Variants in UBL3 observed in about 807,000 individuals in gnomAD.
The protein encoded by UBL3 is ubiquitin like 3, also known as ubiquitin-like protein 3.
Under a neutral mutation model 18.4 loss-of-function variants are expected in UBL3, and 6 were observed. The observed-to-expected ratio is 0.33, with a 90% confidence interval of 0.18 to 0.64. UBL3 has a LOEUF of 0.64. Among genes scored for constraint, UBL3 ranks in the 30% least tolerant of loss-of-function variants. UBL3 has a pLI of 0.76. For missense variants in UBL3, 109 were observed against 142.9 expected (o/e 0.76, Z 1.21); for synonymous variants, 49 against 46.6 (o/e 1.05, Z -0.21).
intron 1 of UBL3, among the ~76,000 whole-genome samples, chr13:29,784,566 G>GAAA (rs199532113): frequency 1.5e-5 from 2 of 129,248 alleles, no homozygotes; most frequent in Admixed American, 7.7e-5. Flanking sequence ...CAAATCTTTG[G>GAAA]AAAAAAAAAA....
intron 1 of UBL3, among the ~76,000 whole-genome samples, chr13:29,815,483 A>T (rs1326765698): frequency 2.0e-5 from 3 of 152,192 alleles, no homozygotes; most frequent in Non-Finnish European, 4.4e-5. Context: ...TCCTGAACAA[A>T]TAAATTTGTG....
chr13:29,768,183 T>C (rs1476122027), intron 3 of UBL3, among the ~76,000 whole-genome samples: 1 of 152,112 alleles, frequency 6.6e-6, no homozygotes, highest in Non-Finnish European at 1.5e-5. Context: ...TATTCGTCCA[T>C]TAGAAAAGAA....
chr13:29,813,571 A>G (rs979571752), intron 1 of UBL3, among the ~76,000 whole-genome samples: 1 of 152,116 alleles, frequency 6.6e-6, no homozygotes, highest in Non-Finnish European at 1.5e-5. Flanking sequence ...CAACAATTAA[A>G]AATAATGCAA....
chr13:29,822,759 C>T (rs1878495238), intron 1 of UBL3, among the ~76,000 whole-genome samples: 1 of 133,168 alleles, frequency 7.5e-6, no homozygotes, highest in Non-Finnish European at 1.6e-5. Context: ...AAAAAGAAGC[C>T]TGTACTATCC....
At chr13:29,841,135 G>A (rs1879090499) in intron 1 of UBL3, among the ~76,000 whole-genome samples, 1 of 151,986 alleles carries the variant, frequency 6.6e-6, no homozygotes, top group African/African-American at 2.4e-5. Flanking sequence ...AAATGTTAAT[G>A]TCAAACTTCA....
intron 1 of UBL3, among the ~76,000 whole-genome samples, chr13:29,824,107 C>T (rs991950819): frequency 2.6e-5 from 4 of 152,084 alleles, no homozygotes; most frequent in Non-Finnish European, 5.9e-5. Flanking sequence ...CAGACTATCA[C>T]TGATGGACAT....
At chr13:29,784,077 A>G (rs966645556) in intron 1 of UBL3, among the ~76,000 whole-genome samples, 2 of 152,188 alleles carry the variant, frequency 1.3e-5, no homozygotes, top group Non-Finnish European at 2.9e-5. Flanking sequence ...TACAACAAGA[A>G]CTCTTCAATG....
chr13:29,777,104 T>C (rs1474564205), intron 2 of UBL3, 51 bp downstream of exon 2: 15 of 1,250,818 alleles, frequency 1.2e-5, no homozygotes, highest in East Asian at 2.7e-5. Flanking sequence ...TGAGACAAGG[T>C]AGGGCATAAG....
At chr13:29,832,714 G>A (rs1206680086) in intron 1 of UBL3, among the ~76,000 whole-genome samples, 2 of 152,130 alleles carry the variant, frequency 1.3e-5, no homozygotes, top group African/African-American at 4.8e-5. Flanking sequence ...TTACATTGCT[G>A]GCAATCCGTG....
At position 29,818,938 on chromosome 13, in the gene UBL3, TTGC is replaced by T. The variant is rs151051879; in HGVS notation, c.27+30571_27+30573del. Among the ~76,000 whole-genome samples, 1,498 of 152,328 alleles carry T rather than the reference TTGC, an allele frequency of 9.8e-3. 24 individuals carry two copies. Among genetic ancestry groups the T allele is most frequent in the African/African-American group, 0.035 (1,435 of 41,576 alleles). On this transcript the variant is annotated intron_variant, in intron 1 of 4. Transcript: ENST00000380680. ...CTGTGTGTTTGATAATATTAGGTAA[TTGC>T]TGCTAATTTTTAAGGTGTGATAAGA...
At chr13:29,783,119 A>G (rs1219794375) in intron 1 of UBL3, among the ~76,000 whole-genome samples, 1 of 152,208 alleles carries the variant, frequency 6.6e-6, no homozygotes, top group East Asian at 1.9e-4. Context: ...GGAATGGATA[A>G]TAATTGTTTC....
intron 1 of UBL3, among the ~76,000 whole-genome samples, chr13:29,835,134 ATATATATATATATATATAT>A (rs1878912833): frequency 1.3e-4 from 1 of 7,422 alleles, no homozygotes; most frequent in African/African-American, 6.3e-4. Context: ...AAATATATAT[ATATATATATATATATATAT>A]ATATATATAT....
In UBL3 at chr13:29,849,496, C is replaced by T. The variant is rs1194351413; in HGVS notation, c.27+16G>A. Reference sequence around the variant, plus strand: ...AACCACAATTAAATCAGTGTCATAACTTATCCGTCACTTACCATATCCGCC... The same window carrying T: ...AACCACAATTAAATCAGTGTCATAATTTATCCGTCACTTACCATATCCGCC... On this transcript the variant is annotated intron_variant, in intron 1 of 4. Coordinates refer to ENST00000380680, the MANE Select transcript of UBL3 (RefSeq NM_007106.4). The T allele has an allele frequency of 1.2e-6, 2 of 1,614,100 alleles. No homozygotes were observed. Among genetic ancestry groups the T allele is most frequent in the South Asian group, 2.2e-5 (2 of 91,068 alleles).
intron 1 of UBL3, among the ~76,000 whole-genome samples, chr13:29,796,064 G>A (rs1593659237): frequency 6.6e-6 from 1 of 151,862 alleles, no homozygotes; most frequent in East Asian, 1.9e-4. Context: ...AAACTTGAAA[G>A]ATCTACCGCA....
In UBL3 at chr13:29,797,761, T is replaced by C. The variant is rs1233333673; in HGVS notation, c.28-20498A>G. On this transcript the variant is annotated intron_variant, in intron 1 of 4. Transcript: ENST00000380680. Reference sequence around the variant, plus strand: ...AAGATTCAATTAAGGAAAATGGCTGTCCCTGGTTTGTCCTTTTCCTAACAT... The same window carrying C: ...AAGATTCAATTAAGGAAAATGGCTGCCCCTGGTTTGTCCTTTTCCTAACAT... Among the ~76,000 whole-genome samples the C allele has an allele frequency of 2.6e-5, 4 of 152,306 alleles. No individual in the cohort carries two copies. In the East Asian group the frequency reaches 7.7e-4, roughly 29 times the overall value.
rs2139303256 is a variant in UBL3 at position 29,766,688 on chromosome 13, T to G, written c.*567A>C. On this transcript the variant is annotated 3_prime_UTR_variant, in exon 5 of 5. Transcript: ENST00000380680. ...TAGTCACACTCAGTTTAGTATTCTG[T>G]GCCAGTGCAGCCACCACGGCTGACT... is the stretch of plus-strand genomic sequence containing the variant. The G allele has an allele frequency of 3.3e-5, 5 of 152,644 alleles. No homozygotes were observed. In the East Asian group the frequency reaches 7.7e-4, roughly 23 times the overall value. 9.5% of individuals were successfully genotyped at this position (152,644 alleles called of 1,614,324 possible).
At chr13:29,781,080 C>T (rs1877162530) in intron 1 of UBL3, among the ~76,000 whole-genome samples, 1 of 152,044 alleles carries the variant, frequency 6.6e-6, no homozygotes, top group East Asian at 1.9e-4. Flanking sequence ...GAGGCTGAGG[C>T]AGGAGAATCA....
chr13:29,842,423 TG>T lies in UBL3; in HGVS notation c.27+7088del, dbSNP rs1159616418. Among the ~76,000 whole-genome samples, 5 of 152,194 alleles carry T rather than the reference TG, an allele frequency of 3.3e-5. No homozygotes were observed. In the East Asian group the frequency reaches 7.7e-4, roughly 24 times the overall value. ...ATCCACCCACCTCGGCCTCCCAAAA[TG>T]TTGGGATTACAGGTGTGAGCCACCG... On this transcript the variant is annotated intron_variant, in intron 1 of 4. Coordinates refer to ENST00000380680, the MANE Select transcript of UBL3 (RefSeq NM_007106.4).
intron 1 of UBL3, among the ~76,000 whole-genome samples, chr13:29,818,639 G>A (rs1258556017): frequency 1.3e-5 from 2 of 152,026 alleles, no homozygotes; most frequent in East Asian, 1.9e-4. Context: ...CACATAATAC[G>A]CCTATCACAA....
Sources: allele counts gnomAD v4.1 joint callset (sites outside exome capture counted in the v4.1 genomes callset), GRCh38; gene constraint gnomAD v4.1.1; transcripts MANE v1.5; gene names NCBI Gene and HGNC (gene_info 2026-07-23, HGNC 2026-07-21).